TMEM132B: variants seen among roughly 807,000 people sequenced by gnomAD.
TMEM132B encodes the protein transmembrane protein 132B.
In TMEM132B, 18 loss-of-function variants were observed where a neutral mutation model predicts 90.8. The observed-to-expected ratio is 0.20, with a 90% confidence interval of 0.14 to 0.29. The LOEUF is 0.29. Among genes scored for constraint, TMEM132B ranks in the 10% least tolerant of loss-of-function variants. The probability of loss-of-function intolerance (pLI) is 1.00; values close to 1 mark genes in which losing one functional copy is unlikely to be tolerated. For missense variants in TMEM132B, 1,096 were observed against 1,326.8 expected (o/e 0.83, Z 2.70); for synonymous variants, 504 against 523.3 (o/e 0.96, Z 0.50).
intron 3 of TMEM132B, among the ~76,000 whole-genome samples, chr12:125,450,356 A>G (rs1307622745): frequency 6.6e-6 from 1 of 152,262 alleles, no homozygotes; most frequent in Non-Finnish European, 1.5e-5. Flanking sequence ...TACATAGAAC[A>G]AAGTTTGAAG....
intron 3 of TMEM132B, among the ~76,000 whole-genome samples, chr12:125,461,097 G>A (rs113338705): frequency 0.013 from 1,922 of 152,324 alleles, 18 homozygotes; most frequent in Middle Eastern, 0.044. Context: ...TGATCTCAGT[G>A]AGAAATAATA....
chr12:125,501,591 C>T (rs556213062), intron 3 of TMEM132B, among the ~76,000 whole-genome samples: 5 of 152,098 alleles, frequency 3.3e-5, no homozygotes, highest in African/African-American at 1.2e-4. Context: ...CATGTGTTCT[C>T]ATTGTTCAGC....
At chr12:125,508,893 C>G (rs1460286849) in intron 3 of TMEM132B, among the ~76,000 whole-genome samples, 5 of 151,432 alleles carry the variant, frequency 3.3e-5, no homozygotes, top group Non-Finnish European at 7.4e-5. Context: ...AAGTGATTCT[C>G]CTGCCTCAGT....
intron 3 of TMEM132B, among the ~76,000 whole-genome samples, chr12:125,424,004 C>A (rs985394920): frequency 3.9e-5 from 6 of 152,130 alleles, no homozygotes; most frequent in African/African-American, 1.4e-4. Context: ...TTTTTTCCAA[C>A]AATTTCAAGA....
chr12:125,420,435 C>T (rs1015015577), intron 3 of TMEM132B, among the ~76,000 whole-genome samples: 11 of 152,190 alleles, frequency 7.2e-5, no homozygotes, highest in South Asian at 2.1e-4. Context: ...AGCCATGATC[C>T]GACCTTTACT....
intron 3 of TMEM132B, among the ~76,000 whole-genome samples, chr12:125,510,352 A>G (rs1882947636): frequency 6.6e-6 from 1 of 152,228 alleles, no homozygotes; most frequent in East Asian, 1.9e-4. Context: ...AGTACTTTAC[A>G]CATTTTAAAA....
At chr12:125,628,934 C>T (rs568320119) in intron 5 of TMEM132B, among the ~76,000 whole-genome samples, 3 of 151,928 alleles carry the variant, frequency 2.0e-5, no homozygotes, top group Non-Finnish European at 2.9e-5. Flanking sequence ...GTTCTTGGCA[C>T]GTTTGTTGGA....
chr12:125,245,016 C>T (rs1209952857), intron 1 of TMEM132B, among the ~76,000 whole-genome samples: 5 of 152,254 alleles, frequency 3.3e-5, no homozygotes, highest in South Asian at 2.1e-4. Context: ...CAGTCAGCAC[C>T]GACCATCTCT....
At chr12:125,531,006 C>T (rs1248750049) in intron 4 of TMEM132B, among the ~76,000 whole-genome samples, 1 of 152,176 alleles carries the variant, frequency 6.6e-6, no homozygotes, top group Non-Finnish European at 1.5e-5. Context: ...TTCGCGTGTG[C>T]AGTGAGAACT....
intron 1 of TMEM132B, among the ~76,000 whole-genome samples, chr12:125,298,286 A>G (rs1875721163): frequency 1.3e-5 from 2 of 151,624 alleles, no homozygotes; most frequent in African/African-American, 4.9e-5. Flanking sequence ...GAAAACAAAA[A>G]AACCCCAATA....
chr12:125,582,305 A>C (rs1014538556), intron 4 of TMEM132B, among the ~76,000 whole-genome samples: 19 of 132,430 alleles, frequency 1.4e-4, no homozygotes, highest in African/African-American at 4.9e-4. Context: ...TATTATTATT[A>C]TTATTAAAGG....
At chr12:125,404,678 CAG>C (rs1879414339) in intron 2 of TMEM132B, among the ~76,000 whole-genome samples, 1 of 152,154 alleles carries the variant, frequency 6.6e-6, no homozygotes, top group Non-Finnish European at 1.5e-5. Context: ...AACTGAGTCA[CAG>C]AAGTTCAATG....
At chr12:125,189,527 T>TG (rs58898103) in intron 1 of TMEM132B, among the ~76,000 whole-genome samples, 57,969 of 151,380 alleles carry the variant, frequency 0.38, 11,224 homozygotes, top group African/African-American at 0.41. Context: ...ACAATAGTGA[T>TG]GGGGGGGGTG....
intron 1 of TMEM132B, among the ~76,000 whole-genome samples, chr12:125,208,439 G>A (rs1873234263): frequency 6.6e-6 from 1 of 152,176 alleles, no homozygotes; most frequent in African/African-American, 2.4e-5. Context: ...CTTGCAGGTA[G>A]CCACTCCCCA....
chr12:125,328,277 G>A (rs1350764188), intron 1 of TMEM132B, among the ~76,000 whole-genome samples: 6 of 152,108 alleles, frequency 3.9e-5, no homozygotes, highest in Admixed American at 3.9e-4. Context: ...GCCCAGCACG[G>A]TGCCCTCACT....
chr12:125,543,718 C>T (rs1400120910), intron 4 of TMEM132B, among the ~76,000 whole-genome samples: 2 of 152,180 alleles, frequency 1.3e-5, no homozygotes, highest in East Asian at 1.9e-4. Flanking sequence ...GGCGAGGTTG[C>T]GGAGAAATAG....
In TMEM132B at chr12:125,659,692, C is replaced by G. The variant is rs1222363637; in HGVS notation, c.*4982C>G. ...CTTGCTTTTAGGATGAATAGGGATG[C>G]CTCTTTGGCGATAATTTGACGTGTC... On this transcript the variant is annotated 3_prime_UTR_variant, in exon 9 of 9. Transcript: ENST00000682704. The G allele has an allele frequency of 6.6e-6, 1 of 152,184 alleles. No individual in the cohort carries two copies. The highest frequency in any genetic ancestry group is 2.4e-5 in the African/African-American group (1 of 41,426). 9.4% of individuals were successfully genotyped at this position (152,184 alleles called of 1,614,324 possible).
At chr12:125,430,795 C>G (rs184498048) in intron 3 of TMEM132B, among the ~76,000 whole-genome samples, 165 of 152,242 alleles carry the variant, frequency 1.1e-3, no homozygotes, top group Non-Finnish European at 1.9e-3. Flanking sequence ...AAGGAATATG[C>G]AATTGTATGT....
At chr12:125,617,351 T>TC (rs1000227794) in intron 5 of TMEM132B, among the ~76,000 whole-genome samples, 3 of 151,616 alleles carry the variant, frequency 2.0e-5, no homozygotes, top group African/African-American at 7.3e-5. Context: ...GCCCTTTTTT[T>TC]TTTTTTTTTT....
Sources: gnomAD v4.1 joint callset for allele counts (sites outside exome capture counted in the v4.1 genomes callset) on GRCh38, gnomAD v4.1.1 for gene constraint, MANE v1.5 for transcripts, NCBI Gene and HGNC (gene_info 2026-07-23, HGNC 2026-07-21) for gene names.